The following PLBD1 variants were observed in gnomAD, a reference collection of about 807,000 sequenced individuals.
The protein encoded by PLBD1 is phospholipase B domain containing 1, also known as lysosomal leucine aminopeptidase.
Under a neutral mutation model 63.0 loss-of-function variants are expected in PLBD1, and 60 were observed. The ratio of observed to expected loss-of-function variants is 0.95; its 90% confidence interval spans 0.77 to 1.18. PLBD1 has a LOEUF of 1.18. Ranked by LOEUF, PLBD1 falls within the 50% of genes most tolerant of loss-of-function variation. The pLI, the probability that PLBD1 is intolerant of heterozygous loss-of-function variation, is 0.00. For synonymous variants in PLBD1, 262 were observed against 248.0 expected, an observed-to-expected ratio of 1.06 and a Z score of -0.53; for missense variants, 598 against 677.9, an observed-to-expected ratio of 0.88 and a Z score of 1.31.
intron 6 of PLBD1, among the ~76,000 whole-genome samples, chr12:14,522,889 C>T (rs1357018435): frequency 6.6e-6 from 1 of 151,994 alleles, no homozygotes; most frequent in Non-Finnish European, 1.5e-5. Context: ...CCATATATGA[C>T]AAATTCACAG....
chr12:14,504,255 G>A (rs1453119527), intron 10 of PLBD1, among the ~76,000 whole-genome samples: 1 of 152,110 alleles, frequency 6.6e-6, no homozygotes, highest in African/African-American at 2.4e-5. Flanking sequence ...TTGCCTTGTT[G>A]GCCAAACTGG....
chr12:14,506,954 T>C lies in PLBD1; in HGVS notation c.1351A>G (p.Lys451Glu). The change falls in exon 9 of 11, where the codon AAA (lysine) becomes GAA (glutamate). Residue 451 changes from lysine (K) to glutamate (E), a missense_variant. Transcript: ENST00000240617. ...QGKVTDTASM[K>E]YIMRYNNYKK... is the part of the protein sequence containing the mutation. ...GTACTGTTGTATCGCATGATATATT[T>C]CATGGATGCCGTATCAGTCACTTTC... 1.2e-6 allele frequency: 2 copies of C among 1,614,120 alleles called. No individual in the cohort carries two copies. Among genetic ancestry groups the C allele is most frequent in the Non-Finnish European group, 1.7e-6 (2 of 1,179,978 alleles).
At chr12:14,538,682 T>C (rs1264134346) in intron 4 of PLBD1, among the ~76,000 whole-genome samples, 1 of 152,176 alleles carries the variant, frequency 6.6e-6, no homozygotes, top group African/African-American at 2.4e-5. Context: ...CTAGAAGTGA[T>C]TTAGATTTTA....
intron 1 of PLBD1, among the ~76,000 whole-genome samples, chr12:14,566,549 C>T (rs1945784039): frequency 6.6e-6 from 1 of 152,056 alleles, no homozygotes; most frequent in South Asian, 2.1e-4. Flanking sequence ...TCCTTAGGAA[C>T]GGAAATCATA....
Position 14,511,693 on chromosome 12 carries a change from T to C in PLBD1, c.863A>G (p.Asp288Gly). Reference protein sequence around the residue: ...SSYPGFLESLDDFYILSSGLI... With the variant: ...SSYPGFLESLGDFYILSSGLI... ...TCCACTGCTAAGAATGTAAAAATCA[T>C]CCAGAGACTCCAAAAACCCTACAGG... The change falls in exon 7 of 11, where the codon GAT (aspartate) becomes GGT (glycine). Residue 288 changes from aspartate (D) to glycine (G), a missense_variant. Coordinates refer to ENST00000240617, the MANE Select transcript of PLBD1 (RefSeq NM_024829.6). The C allele has an allele frequency of 6.2e-7, 1 of 1,614,064 alleles. No homozygotes were observed. Among genetic ancestry groups the C allele is most frequent in the Non-Finnish European group, 8.5e-7 (1 of 1,179,984 alleles).
At chr12:14,530,434 T>C (rs1013215427) in intron 6 of PLBD1, among the ~76,000 whole-genome samples, 2 of 152,198 alleles carry the variant, frequency 1.3e-5, no homozygotes, top group Admixed American at 6.5e-5. Flanking sequence ...CACTAATGTT[T>C]GGAGCAATTT....
At chr12:14,562,345 A>G (rs1309191037) in intron 1 of PLBD1, among the ~76,000 whole-genome samples, 2 of 151,136 alleles carry the variant, frequency 1.3e-5, no homozygotes, top group Non-Finnish European at 2.9e-5. Flanking sequence ...TTGTAATCCC[A>G]GCTACCTGGG....
intron 2 of PLBD1, among the ~76,000 whole-genome samples, chr12:14,542,768 C>T (rs1945585184): frequency 6.6e-6 from 1 of 152,146 alleles, no homozygotes; most frequent in Non-Finnish European, 1.5e-5. Flanking sequence ...ATCATACTGG[C>T]TGGGCACGGT....
At chr12:14,545,921 GTTAC>G (rs1016375008) in intron 2 of PLBD1, among the ~76,000 whole-genome samples, 1 of 151,766 alleles carries the variant, frequency 6.6e-6, no homozygotes, top group African/African-American at 2.4e-5. Flanking sequence ...GATCCATTCG[GTTAC>G]TTTCTACCAC....
At chr12:14,549,034 C>A (rs1431116877) in intron 2 of PLBD1, among the ~76,000 whole-genome samples, 1 of 152,182 alleles carries the variant, frequency 6.6e-6, no homozygotes, top group Non-Finnish European at 1.5e-5. Context: ...AAGGCTGAAT[C>A]TGTAACTCTT....
At position 14,535,751 on chromosome 12, in the gene PLBD1, T is replaced by C; in HGVS notation, c.752A>G (p.Tyr251Cys). The change falls in exon 6 of 11, where the codon TAT becomes TGT. Residue 251 changes from tyrosine (Y) to cysteine (C), a missense_variant. By Grantham distance (194) the Tyr-to-Cys change is radical. Transcript: ENST00000240617. Reference sequence around the variant, plus strand: ...TTTATATATCCTGAGCATGGCTGCATACGTGTACCAGCTTGAGTGAGCAAA... The same window carrying C: ...TTTATATATCCTGAGCATGGCTGCACACGTGTACCAGCTTGAGTGAGCAAA... ...ILFAHSSWYT[Y>C]AAMLRIYKHW... 3 of 1,614,056 alleles carry C rather than the reference T, an allele frequency of 1.9e-6. No homozygotes were observed. The highest frequency in any genetic ancestry group is 2.2e-5 in the East Asian group (1 of 44,878).
intron 6 of PLBD1, among the ~76,000 whole-genome samples, chr12:14,534,606 T>C (rs956917005): frequency 5.3e-5 from 8 of 150,550 alleles, no homozygotes; most frequent in Non-Finnish European, 1.2e-4. Flanking sequence ...TGCAGTGGAG[T>C]GATCTCCGCT....
chr12:14,566,018 C>T (rs1945777170), intron 1 of PLBD1, among the ~76,000 whole-genome samples: 1 of 152,158 alleles, frequency 6.6e-6, no homozygotes, highest in African/African-American at 2.4e-5. Flanking sequence ...TTCAGAAAAA[C>T]AACGCCTGTC....
At position 14,511,567 on chromosome 12, in the gene PLBD1, T is replaced by C. The variant is rs1277456011; in HGVS notation, c.989A>G (p.Asn330Ser). 1.2e-6 allele frequency: 2 copies of C among 1,614,084 alleles called. No individual in the cohort carries two copies. Among genetic ancestry groups the C allele is most frequent in the African/African-American group, 1.3e-5 (1 of 74,928 alleles). Reference sequence around the variant, plus strand: ...CCTCTTGCCACTATCTGCCATCATATTGGCCACACGGACTCTTTGCCAGGA... The same window carrying C: ...CCTCTTGCCACTATCTGCCATCATACTGGCCACACGGACTCTTTGCCAGGA... ...LLSWQRVRVA[N>S]MMADSGKRWA... is the part of the protein sequence containing the mutation. The change falls in exon 7 of 11, where the codon AAT (asparagine) becomes AGT (serine). Residue 330 changes from asparagine to serine, a missense_variant. By Grantham distance (46) the Asn-to-Ser change is conservative (BLOSUM62 1). Coordinates refer to ENST00000240617, the MANE Select transcript of PLBD1 (RefSeq NM_024829.6).
intron 1 of PLBD1, 73 bp downstream of exon 1, chr12:14,567,509 C>A: frequency 7.2e-7 from 1 of 1,398,126 alleles, no homozygotes; most frequent in Non-Finnish European, 9.2e-7. Flanking sequence ...CTCGGCCGGA[C>A]GCGGGGCACG....
chr12:14,519,110 A>G (rs7956894), intron 6 of PLBD1, among the ~76,000 whole-genome samples: 146,320 of 152,262 alleles, frequency 0.96, 70,481 homozygotes, highest in East Asian at 1. Context: ...TTAGTACAGC[A>G]TTGGTTAAGA....
intron 1 of PLBD1, among the ~76,000 whole-genome samples, chr12:14,555,452 G>C (rs561386927): frequency 4.6e-5 from 7 of 152,318 alleles, no homozygotes; most frequent in African/African-American, 1.7e-4. Context: ...CAGGAGAATT[G>C]CTTGAACCCG....
At chr12:14,535,967 T>A (rs756061963) in intron 5 of PLBD1, 164 bp from the exon 6 acceptor site, 1 of 644,502 alleles carries the variant, frequency 1.6e-6, no homozygotes, top group Non-Finnish European at 2.6e-6. Context: ...ACCTTTAATG[T>A]GGCCCCAAAC....
In PLBD1 at chr12:14,511,297, A is replaced by G. The variant is rs996457638; in HGVS notation, c.1149T>C (p.Tyr383=). Residue 383 remains tyrosine (Y), a synonymous_variant, in exon 8 of 11, where the codon TAT becomes TAC. Transcript: ENST00000240617. ...TLYIVEQIPT[Y]VEYSEQTDVL... ...CATCAGTTTGTTCAGAATATTCTACATATGTAGGAATTTGCTCCACAATGT... is the reference window on the plus strand; with the variant it reads ...CATCAGTTTGTTCAGAATATTCTACGTATGTAGGAATTTGCTCCACAATGT... 1 of 1,606,022 alleles carries G rather than the reference A, an allele frequency of 6.2e-7. No homozygotes were observed. Among genetic ancestry groups the G allele is most frequent in the Non-Finnish European group, 8.5e-7 (1 of 1,177,852 alleles).
Sources: allele counts gnomAD v4.1 joint callset (sites outside exome capture counted in the v4.1 genomes callset), GRCh38; gene constraint gnomAD v4.1.1; transcripts MANE v1.5; gene names NCBI Gene and HGNC (gene_info 2026-07-23, HGNC 2026-07-21).